PCNX2: variants seen among roughly 807,000 people sequenced by gnomAD.
PCNX2 encodes the protein pecanex-like protein 2.
PCNX2 carries 168 observed loss-of-function variants against 223.8 expected under a neutral mutation model. The ratio of observed to expected loss-of-function variants is 0.75; its 90% CI spans 0.66 to 0.85. The LOEUF is 0.85. Among genes scored for constraint, PCNX2 ranks in the 40% least tolerant of loss-of-function variants. The pLI is 0.00. For synonymous variants in PCNX2, 1,006 were observed against 1,052.6 expected, an observed-to-expected ratio of 0.96 and a Z score of 0.86; for missense variants, 2,507 against 2,675.5, an observed-to-expected ratio of 0.94 and a Z score of 1.39.
chr1:233,253,202 C>T lies in PCNX2; in HGVS notation c.1835-414G>A, dbSNP rs1259431054. On this transcript the variant is annotated intron_variant, in intron 5 of 33. Coordinates refer to ENST00000258229, the MANE Select transcript of PCNX2 (RefSeq NM_014801.4). The surrounding 1 kb of genome is among the most constrained non-coding windows in gnomAD (Gnocchi z 4.2). ...ATCTGGCTATTTCAGAACAAGGTCC[C>T]CTTTACCATTTATAAATCTTATCAG... is the stretch of plus-strand genomic sequence containing the variant. 6.6e-6 allele frequency among the ~76,000 whole-genome samples: 1 copy of T among 152,188 alleles called. No homozygotes were observed. Among genetic ancestry groups the T allele is most frequent in the Non-Finnish European group, 1.5e-5 (1 of 68,032 alleles).
At chr1:233,232,532 A>G (rs1385850476) in intron 9 of PCNX2, among the ~76,000 whole-genome samples, 1 of 152,232 alleles carries the variant, frequency 6.6e-6, no homozygotes, top group African/African-American at 2.4e-5. Context: ...TGATAAGTGA[A>G]AAAGATGCAA....
At chr1:233,002,654 A>G (rs1670128377) in intron 28 of PCNX2, among the ~76,000 whole-genome samples, 1 of 150,916 alleles carries the variant, frequency 6.6e-6, no homozygotes. Flanking sequence ...AGAAAAAAAT[A>G]TTTTAATTTC....
chr1:232,989,629 G>C (rs1196410445), intron 32 of PCNX2, among the ~76,000 whole-genome samples: 1 of 152,176 alleles, frequency 6.6e-6, no homozygotes, highest in Admixed American at 6.5e-5. Flanking sequence ...CCTTTCTGCA[G>C]CAAAGGACCC....
rs74475059 is a variant in PCNX2 at position 233,013,339 on chromosome 1, G to A, written c.4952+1326C>T. On this transcript the variant is annotated intron_variant, in intron 28 of 33. Coordinates refer to ENST00000258229, the MANE Select transcript of PCNX2 (RefSeq NM_014801.4). The stretch of plus-strand genomic sequence containing the variant: ...TGACTCCAGGCTACTGCCTCCAGAG[G>A]AAAATGAAAAGCGCTGCCAGCCACA... 8.2e-3 allele frequency among the ~76,000 whole-genome samples: 1,245 copies of A among 152,238 alleles called. 17 individuals carry two copies. Among genetic ancestry groups the A allele is most frequent in the African/African-American group, 0.028 (1,164 of 41,554 alleles).
intron 1 of PCNX2, among the ~76,000 whole-genome samples, chr1:233,286,344 C>T (rs1004064017): frequency 6.6e-6 from 1 of 151,766 alleles, no homozygotes; most frequent in Non-Finnish European, 1.5e-5. Flanking sequence ...TAATATGAGC[C>T]CCCTACCATT....
chr1:232,986,514 C>T lies in PCNX2; in HGVS notation c.5818G>A (p.Val1940Met), dbSNP rs779582742. ...TGRRKGRSQSVQAHSALSQRP... is the reference protein window; with the variant it reads ...TGRRKGRSQSMQAHSALSQRP... ...TGGCTTAGCGCTGAGTGTGCCTGCA[C>T]GGACTGGCTCCTGCCTTTCCTCCTG... The change falls in exon 33 of 34, where the codon GTG becomes ATG. Residue 1940 changes from valine to methionine, a missense_variant. Around this residue, in one of 3 missense-constraint regions of PCNX2, gnomAD observed 1,372 missense variants for 1,509.4 expected, o/e 0.91. Coordinates refer to ENST00000258229, the MANE Select transcript of PCNX2 (RefSeq NM_014801.4). 51 of 1,544,948 alleles carry T rather than the reference C, an allele frequency of 3.3e-5. No individual in the cohort carries two copies. Among genetic ancestry groups the T allele is most frequent in the East Asian group, 9.1e-5 (4 of 43,942 alleles).
chr1:233,178,115 C>T (rs548745274), intron 16 of PCNX2, among the ~76,000 whole-genome samples: 1 of 152,328 alleles, frequency 6.6e-6, no homozygotes, highest in South Asian at 2.1e-4. Flanking sequence ...AGTACCTTAG[C>T]AGTATCATTG....
intron 21 of PCNX2, among the ~76,000 whole-genome samples, chr1:233,130,558 C>G (rs1035980708): frequency 1.3e-5 from 2 of 151,280 alleles, no homozygotes; most frequent in Admixed American, 6.6e-5. Flanking sequence ...AATCTCGGCT[C>G]ACTGCAAGCT....
chr1:233,151,221 C>G (rs369165648), intron 19 of PCNX2, among the ~76,000 whole-genome samples: 64 of 152,288 alleles, frequency 4.2e-4, no homozygotes, highest in African/African-American at 1.5e-3. Context: ...TTTCTATTTT[C>G]TCCATGGCCT....
intron 19 of PCNX2, among the ~76,000 whole-genome samples, chr1:233,156,511 C>A (rs2477868): frequency 0.61 from 92,840 of 151,910 alleles, 28,562 homozygotes; most frequent in South Asian, 0.67. Flanking sequence ...GGAGCTCAGT[C>A]TACCTTAGGC....
chr1:233,194,662 CT>C (rs1680618072), intron 15 of PCNX2, among the ~76,000 whole-genome samples: 1 of 152,070 alleles, frequency 6.6e-6, no homozygotes, highest in South Asian at 2.1e-4. Flanking sequence ...AAAGGAAACA[CT>C]TTCCAACTCA....
chr1:233,020,330 C>T (rs1023844178), intron 26 of PCNX2, among the ~76,000 whole-genome samples: 1 of 152,228 alleles, frequency 6.6e-6, no homozygotes, highest in East Asian at 1.9e-4. Flanking sequence ...GGCAGAACTT[C>T]TGTCACGGAG....
chr1:233,203,160 C>A (rs1021773323), intron 13 of PCNX2, among the ~76,000 whole-genome samples: 4 of 152,172 alleles, frequency 2.6e-5, no homozygotes, highest in Admixed American at 2.6e-4. Flanking sequence ...GTTCCATTAC[C>A]CAGTTTCCAG....
At chr1:233,151,238 A>G (rs750272125) in intron 19 of PCNX2, among the ~76,000 whole-genome samples, 1 of 152,218 alleles carries the variant, frequency 6.6e-6, no homozygotes, top group African/African-American at 2.4e-5. Flanking sequence ...GCCTATCCAT[A>G]TATCATCCTA....
At position 233,000,370 on chromosome 1, in the gene PCNX2, C is replaced by T. The variant is rs771820766; in HGVS notation, c.5263G>A (p.Glu1755Lys). 2.5e-6 allele frequency: 4 copies of T among 1,613,586 alleles called. No homozygotes were observed. Among genetic ancestry groups the T allele is most frequent in the South Asian group, 1.1e-5 (1 of 91,050 alleles). ...ATGACCTTGTACTCGTCGGCACCCTCGTCCACCACGTGCCGCAGGGTGAGC... is the reference window on the plus strand; with the variant it reads ...ATGACCTTGTACTCGTCGGCACCCTTGTCCACCACGTGCCGCAGGGTGAGC... ...ELLTLRHVVD[E>K]GADEYKVIML... The change falls in exon 30 of 34, where the codon GAG becomes AAG. Residue 1755 changes from glutamate to lysine, a missense_variant. By Grantham distance (56) the Glu-to-Lys change is moderately conservative. Coordinates refer to ENST00000258229, the MANE Select transcript of PCNX2 (RefSeq NM_014801.4). The surrounding 1 kb of genome is among the most constrained non-coding windows in gnomAD (Gnocchi z 4.6).
At chr1:233,051,970 G>T (rs1672022051) in intron 25 of PCNX2, among the ~76,000 whole-genome samples, 1 of 152,158 alleles carries the variant, frequency 6.6e-6, no homozygotes, top group Admixed American at 6.5e-5. Flanking sequence ...TTGCACTGAA[G>T]ACACTTATTT....
Position 233,198,920 on chromosome 1 carries a change from C to G in PCNX2, c.3066+19G>C. 6.3e-7 allele frequency: 1 copy of G among 1,581,536 alleles called. No homozygotes were observed. Among genetic ancestry groups the G allele is most frequent in the Non-Finnish European group, 8.6e-7 (1 of 1,160,308 alleles). Reference sequence around the variant, plus strand: ...TTAATGAATCGAGAAGGATGAGGGCCCATGGTCCTCACACCTACCTTCACT... The same window carrying G: ...TTAATGAATCGAGAAGGATGAGGGCGCATGGTCCTCACACCTACCTTCACT... On this transcript the variant is annotated intron_variant, in intron 15 of 33. Coordinates refer to ENST00000258229, the MANE Select transcript of PCNX2 (RefSeq NM_014801.4).
At chr1:233,320,350 CGTGTGT>C in the PCNX2 span, among the ~76,000 whole-genome samples, 4 of 149,806 alleles carry the variant, frequency 2.7e-5, no homozygotes, top group Admixed American at 1.3e-4. Context: ...TACATACATT[CGTGTGT>C]GTGTGTGTGT....
intron 15 of PCNX2, among the ~76,000 whole-genome samples, chr1:233,185,990 A>G (rs1157354504): frequency 6.6e-6 from 1 of 152,204 alleles, no homozygotes; most frequent in Non-Finnish European, 1.5e-5. Flanking sequence ...TTATCTGACG[A>G]GAATGCATAG....
Sources: gnomAD v4.1 joint callset for allele counts (sites outside exome capture counted in the v4.1 genomes callset) on GRCh38, gnomAD v4.1.1 for gene constraint, gnomAD v4.1.1 regional missense constraint, Gnocchi (gnomAD v3.1) non-coding constraint, MANE v1.5 for transcripts, NCBI Gene and HGNC (gene_info 2026-07-23, HGNC 2026-07-21) for gene names.